The following OTUD7A variants were observed in gnomAD, a reference collection of about 807,000 sequenced individuals.
OTUD7A encodes the protein OTU domain-containing protein 7A.
Under a neutral mutation model 65.7 loss-of-function variants are expected in OTUD7A, and 12 were observed. The observed-to-expected ratio is 0.18, with a 90% CI of 0.12 to 0.30. OTUD7A has a LOEUF of 0.30. OTUD7A is among the 10% of genes least tolerant of loss of function. The pLI, the probability that OTUD7A is intolerant of heterozygous loss-of-function variation, is 1.00. For missense variants in OTUD7A, 1,148 were observed against 1,304.8 expected (o/e 0.88, Z 1.85); for synonymous variants, 641 against 586.3 (o/e 1.09, Z -1.35).
intron 1 of OTUD7A, among the ~76,000 whole-genome samples, chr15:31,694,992 C>A (rs976060652): frequency 6.6e-6 from 1 of 151,972 alleles, no homozygotes; most frequent in African/African-American, 2.4e-5. Context: ...ACTACAGGCA[C>A]CCACCACCAC....
chr15:31,777,061 A>G (rs2140920932), intron 1 of OTUD7A, among the ~76,000 whole-genome samples: 1 of 152,140 alleles, frequency 6.6e-6, no homozygotes, highest in South Asian at 2.1e-4. Flanking sequence ...ATGTGATACC[A>G]TAAACTGGGT....
At chr15:31,646,054 C>T (rs183527516) in intron 3 of OTUD7A, among the ~76,000 whole-genome samples, 6 of 152,220 alleles carry the variant, frequency 3.9e-5, no homozygotes, top group Non-Finnish European at 7.3e-5. Flanking sequence ...TCAGTTCGCA[C>T]AGCCAATTTT....
chr15:31,676,431 C>A (rs569965487), intron 1 of OTUD7A, among the ~76,000 whole-genome samples: 1 of 152,174 alleles, frequency 6.6e-6, no homozygotes, highest in Non-Finnish European at 1.5e-5. Context: ...TAAAAGTATC[C>A]ATGTGGCCAG....
At chr15:31,784,995 C>A (rs73380512) in intron 1 of OTUD7A, among the ~76,000 whole-genome samples, 2,558 of 152,216 alleles carry the variant, frequency 0.017, 72 homozygotes, top group African/African-American at 0.057. Flanking sequence ...CGCGGGCATA[C>A]AGATAACACG....
intron 8 of OTUD7A, among the ~76,000 whole-genome samples, 176 bp from the exon 9 acceptor site, chr15:31,503,994 A>C (rs1035535320): frequency 1.3e-5 from 2 of 152,194 alleles, no homozygotes; most frequent in African/African-American, 4.8e-5. Context: ...TGGCAAATGC[A>C]CAGGTCCCAG....
chr15:31,849,762 A>G (rs1431942667), intron 1 of OTUD7A, among the ~76,000 whole-genome samples: 1 of 152,248 alleles, frequency 6.6e-6, no homozygotes, highest in African/African-American at 2.4e-5. Context: ...ACACTTCTCA[A>G]AAGAAGAAAT....
intron 1 of OTUD7A, among the ~76,000 whole-genome samples, chr15:31,762,960 G>A (rs1895007121): frequency 6.6e-6 from 1 of 152,096 alleles, no homozygotes; most frequent in South Asian, 2.1e-4. Context: ...TAATAACCAT[G>A]CTCCAAGACG....
intron 8 of OTUD7A, among the ~76,000 whole-genome samples, chr15:31,516,910 A>G (rs1195711608): frequency 6.6e-6 from 1 of 152,192 alleles, no homozygotes; most frequent in African/African-American, 2.4e-5. Context: ...CTTGCTTCCC[A>G]TTGTGGCGGT....
At chr15:31,580,392 AT>A (rs1566929266) in intron 3 of OTUD7A, among the ~76,000 whole-genome samples, 1 of 152,166 alleles carries the variant, frequency 6.6e-6, no homozygotes, top group Non-Finnish European at 1.5e-5. Context: ...ACTTGATGAG[AT>A]TTTTAATTTA....
intron 1 of OTUD7A, among the ~76,000 whole-genome samples, chr15:31,685,043 C>T (rs1346783070): frequency 6.6e-6 from 1 of 151,928 alleles, no homozygotes; most frequent in Non-Finnish European, 1.5e-5. Context: ...AACGTTGATT[C>T]CAAACTTGAA....
intron 3 of OTUD7A, among the ~76,000 whole-genome samples, chr15:31,620,671 G>A (rs1436686182): frequency 1.7e-5 from 2 of 119,058 alleles, no homozygotes. Context: ...TTCTTTATTA[G>A]TCTTGCTAGC....
At chr15:31,497,671 C>T (rs1179446769) in intron 10 of OTUD7A, among the ~76,000 whole-genome samples, 1 of 152,152 alleles carries the variant, frequency 6.6e-6, no homozygotes, top group Non-Finnish European at 1.5e-5. Context: ...GTCTGAGACG[C>T]TATCTTATCC....
intron 1 of OTUD7A, among the ~76,000 whole-genome samples, chr15:31,806,620 G>T (rs1007029406): frequency 6.6e-6 from 1 of 152,164 alleles, no homozygotes; most frequent in Non-Finnish European, 1.5e-5. Flanking sequence ...GGGGTCAAAG[G>T]CTGATCATCC....
intron 1 of OTUD7A, 97 bp downstream of exon 1, chr15:31,870,410 G>T: frequency 6.8e-6 from 1 of 146,804 alleles, no homozygotes; most frequent in South Asian, 1.9e-4. Context: ...GCTCGGGAAG[G>T]AGACGGCGCC....
At chr15:31,852,822 T>A (rs1486588825) in intron 1 of OTUD7A, among the ~76,000 whole-genome samples, 1 of 152,238 alleles carries the variant, frequency 6.6e-6, no homozygotes, top group African/African-American at 2.4e-5. Flanking sequence ...TTAATATTCA[T>A]TACATTAATG....
intron 3 of OTUD7A, among the ~76,000 whole-genome samples, chr15:31,647,137 C>T (rs1462475362): frequency 3.9e-5 from 6 of 152,170 alleles, no homozygotes; most frequent in Non-Finnish European, 8.8e-5. Context: ...CCAACGGTTT[C>T]CTTTCAGTAT....
At chr15:31,585,386 A>G (rs1266522706) in intron 3 of OTUD7A, among the ~76,000 whole-genome samples, 1 of 152,206 alleles carries the variant, frequency 6.6e-6, no homozygotes, top group East Asian at 1.9e-4. Flanking sequence ...GCGAGCAGAA[A>G]CAGACAGCTT....
chr15:31,485,804 TC>T lies in OTUD7A; in HGVS notation c.1372-1081del, dbSNP rs11376540. Among the ~76,000 whole-genome samples, 10 of 151,996 alleles carry T rather than the reference TC, an allele frequency of 6.6e-5. No individual in the cohort carries two copies. In the East Asian group the frequency reaches 9.7e-4, roughly 15 times the overall value. On this transcript the variant is annotated intron_variant, in intron 12 of 12. Transcript: ENST00000307050. ...CCATTGCTCTCCCACTTAATTTTTGTCCCCCCCTCAAACCCTTCAAGCAAGT... is the reference window on the plus strand; with the variant it reads ...CCATTGCTCTCCCACTTAATTTTTGTCCCCCCTCAAACCCTTCAAGCAAGT...
At chr15:31,542,145 C>T (rs1283837752) in intron 5 of OTUD7A, among the ~76,000 whole-genome samples, 1 of 152,058 alleles carries the variant, frequency 6.6e-6, no homozygotes, top group African/African-American at 2.4e-5. Context: ...CATATAACAT[C>T]CTGCTCACAA....
Sources: gnomAD v4.1 joint callset for allele counts (sites outside exome capture counted in the v4.1 genomes callset) on GRCh38, gnomAD v4.1.1 for gene constraint, MANE v1.5 for transcripts, NCBI Gene and HGNC (gene_info 2026-07-23, HGNC 2026-07-21) for gene names.